THSD7B: variants seen among roughly 807,000 people sequenced by gnomAD.
THSD7B encodes thrombospondin type 1 domain containing 7B.
In THSD7B, 138 loss-of-function variants were observed where a neutral mutation model predicts 213.6. The observed-to-expected ratio is 0.65, with a 90% confidence interval of 0.56 to 0.74. THSD7B has a LOEUF of 0.74. Ranked by LOEUF, THSD7B falls within the 30% of genes least tolerant of loss-of-function variation. THSD7B has a pLI of 0.00. For missense variants in THSD7B, 1,931 were observed against 1,991.5 expected (o/e 0.97, Z 0.58); for synonymous variants, 742 against 687.0 (o/e 1.08, Z -1.25).
chr2:136,820,600 G>A (rs939270229), intron 1 of THSD7B, among the ~76,000 whole-genome samples: 1 of 152,180 alleles, frequency 6.6e-6, no homozygotes, highest in African/African-American at 2.4e-5. Context: ...AAAAGAGACA[G>A]TAAACAAATG....
At chr2:136,930,155 T>C (rs1375515635) in intron 2 of THSD7B, among the ~76,000 whole-genome samples, 1 of 152,124 alleles carries the variant, frequency 6.6e-6, no homozygotes, top group Admixed American at 6.5e-5. Flanking sequence ...AAATAGGAAA[T>C]AATCAATTAC....
At chr2:137,024,248 T>C (rs1686501962) in intron 2 of THSD7B, among the ~76,000 whole-genome samples, 1 of 152,124 alleles carries the variant, frequency 6.6e-6, no homozygotes, top group Admixed American at 6.5e-5. Flanking sequence ...CTAAACTGAT[T>C]GGTGGTGGAT....
intron 6 of THSD7B, among the ~76,000 whole-genome samples, chr2:137,166,634 T>C (rs1418111467): frequency 6.6e-6 from 1 of 152,212 alleles, no homozygotes; most frequent in African/African-American, 2.4e-5. Context: ...TGACTCTTTT[T>C]TGAAGACAGT....
Position 137,088,568 on chromosome 2 carries a change from G to C in THSD7B, c.951-6305G>C, listed in dbSNP as rs11900613. On this transcript the variant is annotated intron_variant, in intron 3 of 27. Transcript: ENST00000409968. ...AAAAACCCTTCTAGACATTGGCTTA[G>C]GCAAGGGTTTCATGACCAAGAGCCC... 6.5e-3 allele frequency among the ~76,000 whole-genome samples: 975 copies of C among 150,908 alleles called. 12 individuals carry two copies. The highest frequency in any genetic ancestry group is 0.023 in the African/African-American group (928 of 41,098).
intron 2 of THSD7B, among the ~76,000 whole-genome samples, chr2:137,016,388 G>C (rs563175585): frequency 6.6e-6 from 1 of 152,142 alleles, no homozygotes; most frequent in South Asian, 2.1e-4. Flanking sequence ...TGACAAAGTC[G>C]TCTGTCACCA....
At chr2:137,259,183 T>A (rs1682382077) in intron 10 of THSD7B, among the ~76,000 whole-genome samples, 1 of 152,202 alleles carries the variant, frequency 6.6e-6, no homozygotes, top group African/African-American at 2.4e-5. Context: ...TGATTTATAA[T>A]CCTTTGGGTA....
chr2:137,657,119 G>A lies in THSD7B; in HGVS notation c.4334G>A (p.Arg1445Gln), dbSNP rs267598902. Residue 1445 changes from arginine (R) to glutamine (Q), a missense_variant, in exon 24 of 28, where the codon CGA becomes CAA. Arg to Gln is a conservative substitution (Grantham distance 43). Transcript: ENST00000409968. ...GCAAGTCTTTGGAACAATAACGAACGAACTGTATGGTGCCAGCGTTCAGAT... is the reference window on the plus strand; with the variant it reads ...GCAAGTCTTTGGAACAATAACGAACAAACTGTATGGTGCCAGCGTTCAGAT... ...WKASLWNNNE[R>Q]TVWCQRSDGV... The A allele has an allele frequency of 6.2e-7, 1 of 1,613,952 alleles. No homozygotes were observed. The highest frequency in any genetic ancestry group is 1.1e-5 in the South Asian group (1 of 91,076).
intron 21 of THSD7B, among the ~76,000 whole-genome samples, chr2:137,647,803 T>A (rs1380980216): frequency 6.6e-6 from 1 of 152,170 alleles, no homozygotes; most frequent in Non-Finnish European, 1.5e-5. Flanking sequence ...AGAAACCAGC[T>A]GTGCTTGTTT....
intron 7 of THSD7B, among the ~76,000 whole-genome samples, chr2:137,211,338 A>ACACACACACAGAGG (rs1681100174): frequency 9.7e-6 from 1 of 103,046 alleles, no homozygotes; most frequent in Non-Finnish European, 2.1e-5. Flanking sequence ...TCCTACACAC[A>ACACACACACAGAGG]CACACACACA....
intron 12 of THSD7B, among the ~76,000 whole-genome samples, chr2:137,360,354 T>G (rs189963730): frequency 6.6e-6 from 1 of 152,020 alleles, no homozygotes; most frequent in African/African-American, 2.4e-5. Context: ...GTTCATCTCA[T>G]TGGGACTGGT....
chr2:137,581,732 C>A (rs1282314508), intron 17 of THSD7B, among the ~76,000 whole-genome samples: 2 of 148,912 alleles, frequency 1.3e-5, no homozygotes, highest in Non-Finnish European at 3.0e-5. Flanking sequence ...TGCACTCCAG[C>A]CTGGGCGACA....
chr2:137,431,270 C>T (rs1162558515), intron 14 of THSD7B, among the ~76,000 whole-genome samples: 2 of 152,086 alleles, frequency 1.3e-5, no homozygotes, highest in African/African-American at 2.4e-5. Context: ...TTATGGTTGA[C>T]ACTTGGTTCA....
At chr2:137,664,604 G>A (rs919027545) in intron 26 of THSD7B, among the ~76,000 whole-genome samples, 4 of 152,130 alleles carry the variant, frequency 2.6e-5, no homozygotes, top group African/African-American at 9.7e-5. Context: ...TTACATTCTT[G>A]CAACCTAATG....
At chr2:137,144,733 A>C (rs1679660678) in intron 5 of THSD7B, among the ~76,000 whole-genome samples, 1 of 152,042 alleles carries the variant, frequency 6.6e-6, no homozygotes, top group Admixed American at 6.6e-5. Context: ...AAGGAGAAAA[A>C]AATATCCATT....
intron 4 of THSD7B, among the ~76,000 whole-genome samples, chr2:137,109,817 C>A (rs905608254): frequency 1.6e-4 from 25 of 152,316 alleles, no homozygotes; most frequent in African/African-American, 6.0e-4. Flanking sequence ...CTGACCAGTA[C>A]TGGTCTGTGG....
intron 14 of THSD7B, among the ~76,000 whole-genome samples, chr2:137,447,259 G>A (rs1309197171): frequency 3.3e-5 from 5 of 152,056 alleles, no homozygotes; most frequent in Admixed American, 2.6e-4. Flanking sequence ...CAGTATGCAA[G>A]TGTAGATGAG....
intron 2 of THSD7B, among the ~76,000 whole-genome samples, chr2:137,048,905 C>T (rs1194752990): frequency 1.3e-5 from 2 of 152,198 alleles, no homozygotes; most frequent in African/African-American, 4.8e-5. Context: ...TTTCTGTAAG[C>T]TCAAGGAGAA....
chr2:137,439,296 CT>C (rs35000266), intron 14 of THSD7B, among the ~76,000 whole-genome samples: 1 of 151,842 alleles, frequency 6.6e-6, no homozygotes, highest in African/African-American at 2.4e-5. Flanking sequence ...GCTTTTGATG[CT>C]TTTTTCTGGT....
chr2:136,896,062 A>G (rs1203002012), intron 2 of THSD7B, among the ~76,000 whole-genome samples: 1 of 152,216 alleles, frequency 6.6e-6, no homozygotes, highest in African/African-American at 2.4e-5. Flanking sequence ...TGGGCATAAC[A>G]TGCAAATTTT....
Sources: allele counts gnomAD v4.1 joint callset (sites outside exome capture counted in the v4.1 genomes callset), GRCh38; gene constraint gnomAD v4.1.1; transcripts MANE v1.5; gene names NCBI Gene and HGNC (gene_info 2026-07-23, HGNC 2026-07-21).